GRID2: variants seen among roughly 807,000 people sequenced by gnomAD.
GRID2 encodes glutamate receptor ionotropic, delta-2.
GRID2 carries 33 observed loss-of-function variants against 114.8 expected under a neutral mutation model. The observed-to-expected ratio is 0.29, with a 90% CI of 0.22 to 0.38. The LOEUF is 0.38. GRID2 is among the 10% of genes least tolerant of loss of function. The pLI is 1.00. For synonymous variants in GRID2, 505 were observed against 449.9 expected, an observed-to-expected ratio of 1.12 and a Z score of -1.55; for missense variants, 1,184 against 1,257.7, an observed-to-expected ratio of 0.94 and a Z score of 0.89.
chr4:93,313,072 A>G (rs1756195516), intron 8 of GRID2, among the ~76,000 whole-genome samples: 1 of 152,156 alleles, frequency 6.6e-6, no homozygotes, highest in Admixed American at 6.5e-5. Context: ...AGAAAAGTCC[A>G]GATTTTTGTC....
intron 2 of GRID2, among the ~76,000 whole-genome samples, chr4:92,782,547 A>G (rs1219322690): frequency 6.6e-6 from 1 of 152,168 alleles, no homozygotes; most frequent in Non-Finnish European, 1.5e-5. Flanking sequence ...TGTTAGCATT[A>G]GGGGAAACCC....
intron 14 of GRID2, among the ~76,000 whole-genome samples, chr4:93,634,028 G>T (rs1721189964): frequency 6.6e-6 from 1 of 152,150 alleles, no homozygotes; most frequent in Non-Finnish European, 1.5e-5. Context: ...AAGTTAAACA[G>T]TTAACTGGCT....
intron 1 of GRID2, among the ~76,000 whole-genome samples, chr4:93,803,662 C>T (rs1355201559): frequency 1.3e-5 from 2 of 151,878 alleles, no homozygotes; most frequent in Admixed American, 1.3e-4. Context: ...ATGGAGGCTG[C>T]AGCAAGCCGA....
chr4:92,399,979 T>A lies in GRID2; in HGVS notation c.88+95235T>A, dbSNP rs72882132. 6.1e-3 allele frequency among the ~76,000 whole-genome samples: 936 copies of A among 152,266 alleles called. 10 individuals carry two copies. The highest frequency in any genetic ancestry group is 0.021 in the African/African-American group (884 of 41,552). ...CTGGAAAAGATTTTAAAGATAAGTC[T>A]TAACTATTTCATAGTAGTGGAAACT... On this transcript the variant is annotated intron_variant, in intron 1 of 15. Coordinates refer to ENST00000282020, the MANE Select transcript of GRID2 (RefSeq NM_001510.4).
In GRID2 at chr4:93,186,098, A is replaced by G. The variant is rs891186449; in HGVS notation, c.736-21306A>G. On this transcript the variant is annotated intron_variant, in intron 4 of 15. Coordinates refer to ENST00000282020, the MANE Select transcript of GRID2 (RefSeq NM_001510.4). ...AACTCATCCTTTCTTTTATGGCTGC[A>G]TAGTATTCCATGGTGTATATGTGCC... is the stretch of plus-strand genomic sequence containing the variant. 3.3e-5 allele frequency among the ~76,000 whole-genome samples: 5 copies of G among 152,164 alleles called. No homozygotes were observed. The East Asian group carries it at 7.7e-4, about 23-fold the overall frequency.
At chr4:93,406,623 C>T (rs1766453411) in intron 9 of GRID2, among the ~76,000 whole-genome samples, 1 of 151,886 alleles carries the variant, frequency 6.6e-6, no homozygotes, top group Admixed American at 6.6e-5. Flanking sequence ...TTGGGGAGAT[C>T]GTATTGTATC....
chr4:92,584,865 G>C (rs1452114196), intron 1 of GRID2, among the ~76,000 whole-genome samples: 4 of 151,918 alleles, frequency 2.6e-5, no homozygotes, highest in African/African-American at 9.7e-5. Context: ...GTAACCTTTG[G>C]CTGTGTAATT....
chr4:93,130,925 C>G lies in GRID2; in HGVS notation c.735+19972C>G, dbSNP rs201822465. 7.9e-5 allele frequency among the ~76,000 whole-genome samples: 12 copies of G among 152,230 alleles called. No homozygotes were observed. The East Asian group carries it at 1.9e-3, about 25-fold the overall frequency. Reference sequence around the variant, plus strand: ...ATTCCAGAACGACTGAAACAGTTCTCTCTTATCCAATTGCATCCTTTCTGC... The same window carrying G: ...ATTCCAGAACGACTGAAACAGTTCTGTCTTATCCAATTGCATCCTTTCTGC... On this transcript the variant is annotated intron_variant, in intron 4 of 15. Transcript: ENST00000282020.
chr4:92,589,614 AT>A (rs1728615135), intron 1 of GRID2, among the ~76,000 whole-genome samples: 2 of 152,300 alleles, frequency 1.3e-5, no homozygotes, highest in South Asian at 4.1e-4. Context: ...TATAAATATT[AT>A]TGACTTTACT....
At chr4:92,919,675 T>G (rs921372365) in intron 2 of GRID2, among the ~76,000 whole-genome samples, 4 of 152,222 alleles carry the variant, frequency 2.6e-5, no homozygotes, top group African/African-American at 9.6e-5. Context: ...AGTGAGTTTC[T>G]TAATCCTGAG....
intron 9 of GRID2, among the ~76,000 whole-genome samples, chr4:93,416,800 C>A (rs1318114551): frequency 6.6e-6 from 1 of 152,072 alleles, no homozygotes. Context: ...AATAACCCAA[C>A]AAGTGATGTG....
At chr4:92,851,465 TTAGAG>T (rs1743784761) in intron 2 of GRID2, among the ~76,000 whole-genome samples, 1 of 151,958 alleles carries the variant, frequency 6.6e-6, no homozygotes, top group Non-Finnish European at 1.5e-5. Context: ...TACAGAATTT[TTAGAG>T]TAATCTAGTC....
intron 1 of GRID2, among the ~76,000 whole-genome samples, chr4:92,329,237 T>A (rs1365673351): frequency 6.6e-6 from 1 of 152,098 alleles, no homozygotes; most frequent in Non-Finnish European, 1.5e-5. Context: ...TCTGAGGTTC[T>A]GATCCTCTAG....
intron 2 of GRID2, among the ~76,000 whole-genome samples, chr4:93,016,930 A>G (rs1722804667): frequency 6.6e-6 from 1 of 152,168 alleles, no homozygotes. Context: ...GTTGCTTAAA[A>G]AAATTCTCTT....
At chr4:93,473,897 AT>A (rs1429944477) in intron 11 of GRID2, among the ~76,000 whole-genome samples, 1 of 151,978 alleles carries the variant, frequency 6.6e-6, no homozygotes, top group African/African-American at 2.4e-5. Flanking sequence ...GCAAATACAT[AT>A]TTTTTTCTAT....
chr4:92,936,482 A>G (rs1383844424), intron 2 of GRID2, among the ~76,000 whole-genome samples: 1 of 146,458 alleles, frequency 6.8e-6, no homozygotes, highest in Non-Finnish European at 1.5e-5. Flanking sequence ...CCTGAAAAAG[A>G]TCAACACATT....
chr4:92,907,707 G>A (rs1240930920), intron 2 of GRID2, among the ~76,000 whole-genome samples: 2 of 152,178 alleles, frequency 1.3e-5, no homozygotes, highest in East Asian at 1.9e-4. Flanking sequence ...CCCACACCTG[G>A]CCTTAAAATG....
chr4:93,167,468 T>C (rs1738363441), intron 4 of GRID2, among the ~76,000 whole-genome samples: 1 of 152,164 alleles, frequency 6.6e-6, no homozygotes, highest in Non-Finnish European at 1.5e-5. Flanking sequence ...AAGTCTATAT[T>C]GCATCCTGAG....
At chr4:93,227,876 T>C (rs185420906) in intron 7 of GRID2, among the ~76,000 whole-genome samples, 3 of 152,336 alleles carry the variant, frequency 2.0e-5, no homozygotes, top group African/African-American at 7.2e-5. Flanking sequence ...AGAATGTCCT[T>C]TTCTCTCCGT....
Sources: gnomAD v4.1 joint callset for allele counts (sites outside exome capture counted in the v4.1 genomes callset) on GRCh38, gnomAD v4.1.1 for gene constraint, MANE v1.5 for transcripts, NCBI Gene and HGNC (gene_info 2026-07-23, HGNC 2026-07-21) for gene names.